Variants in PWP1 observed in about 807,000 individuals in gnomAD.
PWP1 encodes the protein PWP1 homolog, endonuclein, also known as periodic tryptophan protein 1 homolog.
In PWP1, 47 loss-of-function variants were observed where a neutral mutation model predicts 69.9. The ratio of observed to expected loss-of-function variants is 0.67; its 90% CI spans 0.53 to 0.86. The LOEUF is 0.86. PWP1 is among the 40% of genes least tolerant of loss of function. PWP1 has a pLI of 0.00. For synonymous variants in PWP1, 222 were observed against 208.2 expected, an observed-to-expected ratio of 1.07 and a Z score of -0.57; for missense variants, 551 against 608.8, an observed-to-expected ratio of 0.91 and a Z score of 1.00.
chr12:107,689,876 C>T (rs10861764), intron 3 of PWP1, among the ~76,000 whole-genome samples: 27,982 of 152,020 alleles, frequency 0.18, 3,574 homozygotes, highest in East Asian at 0.52. Flanking sequence ...TATTGCTCTT[C>T]TGGGGAAAGT....
intron 5 of PWP1, among the ~76,000 whole-genome samples, chr12:107,694,949 T>C (rs1443294459): frequency 6.6e-6 from 1 of 151,990 alleles, no homozygotes; most frequent in Non-Finnish European, 1.5e-5. Context: ...TGGTTAAGAG[T>C]ATATTTTAAA....
In PWP1 at chr12:107,685,842, C is replaced by A; in HGVS notation, c.-58C>A. On this transcript the variant is annotated 5_prime_UTR_variant, in exon 1 of 15. Coordinates refer to ENST00000412830, the MANE Select transcript of PWP1 (RefSeq NM_007062.3). ...CCTGAGCGTGTGGCAGCAGTGCGGT[C>A]GTGGTCCCTCCCTATGCAGCCTGGT... 2 of 1,580,024 alleles carry A rather than the reference C, an allele frequency of 1.3e-6. No individual in the cohort carries two copies. The highest frequency in any genetic ancestry group is 1.1e-5 in the South Asian group (1 of 90,376).
intron 3 of PWP1, among the ~76,000 whole-genome samples, chr12:107,690,096 A>G (rs926630649): frequency 1.3e-5 from 2 of 152,372 alleles, no homozygotes; most frequent in South Asian, 4.1e-4. Context: ...AGCTAGAATC[A>G]GCTACTCCCA....
chr12:107,697,865 T>C (rs958304195), intron 7 of PWP1: 5 of 495,372 alleles, frequency 1.0e-5, no homozygotes, highest in Non-Finnish European at 3.9e-6. Context: ...CTACTATAGA[T>C]GAAGGACTTT....
chr12:107,688,029 T>TAAA (rs1889403425), intron 1 of PWP1, among the ~76,000 whole-genome samples: 1 of 34,664 alleles, frequency 2.9e-5, no homozygotes, highest in South Asian at 1.2e-3. Context: ...AGACTCCGTC[T>TAAA]CAAAAAAAAA....
chr12:107,707,332 T>C (rs1487276651), intron 11 of PWP1, among the ~76,000 whole-genome samples: 1 of 152,182 alleles, frequency 6.6e-6, no homozygotes, highest in Non-Finnish European at 1.5e-5. Context: ...TACAATCATG[T>C]CATCTGCAAA....
At chr12:107,688,532 A>G (rs372572732) in intron 2 of PWP1, 26 bp downstream of exon 2, 18 of 1,612,232 alleles carry the variant, frequency 1.1e-5, no homozygotes, top group Middle Eastern at 1.6e-4. Flanking sequence ...GATGAAATCT[A>G]TATCTTAAAT....
chr12:107,698,592 C>T (rs547686199), intron 7 of PWP1, among the ~76,000 whole-genome samples: 12 of 151,916 alleles, frequency 7.9e-5, no homozygotes, highest in African/African-American at 2.9e-4. Context: ...CTTTATTTTT[C>T]TTTTTTAAAG....
At chr12:107,686,023 G>A (rs1256022097) in intron 1 of PWP1, 52 bp downstream of exon 1, 1 of 1,590,276 alleles carries the variant, frequency 6.3e-7, no homozygotes, top group Non-Finnish European at 8.6e-7. Context: ...ACGGCACTGG[G>A]GGTCCGCCCA....
chr12:107,702,702 C>T (rs1471269364), intron 8 of PWP1, among the ~76,000 whole-genome samples: 1 of 152,218 alleles, frequency 6.6e-6, no homozygotes, highest in East Asian at 1.9e-4. Context: ...TCCATATTAA[C>T]ACTATTAAGT....
chr12:107,689,855 A>T (rs1256587224), intron 3 of PWP1, among the ~76,000 whole-genome samples: 7 of 152,220 alleles, frequency 4.6e-5, no homozygotes, highest in Admixed American at 4.6e-4. Flanking sequence ...AGCTGAGATG[A>T]CAACTACCTA....
At chr12:107,693,672 A>G (rs985939522) in intron 5 of PWP1, among the ~76,000 whole-genome samples, 2 of 152,172 alleles carry the variant, frequency 1.3e-5, no homozygotes, top group East Asian at 3.8e-4. Context: ...TCTAGGCTAC[A>G]GTGAGCTGTG....
chr12:107,689,834 G>A (rs1193909297), intron 3 of PWP1, among the ~76,000 whole-genome samples: 1 of 152,146 alleles, frequency 6.6e-6, no homozygotes, highest in African/African-American at 2.4e-5. Context: ...AGCCTCGTGG[G>A]GAATAAAGTG....
intron 5 of PWP1, among the ~76,000 whole-genome samples, chr12:107,694,588 C>T (rs1356890967): frequency 1.3e-5 from 2 of 152,158 alleles, no homozygotes; most frequent in Admixed American, 1.3e-4. Context: ...CTTTCTAACT[C>T]TTGATATCTT....
chr12:107,697,391 A>G (rs868126710), intron 6 of PWP1, 76 bp from the exon 7 acceptor site: 1 of 1,409,590 alleles, frequency 7.1e-7, no homozygotes, highest in African/African-American at 1.4e-5. Flanking sequence ...CAGTTAATCT[A>G]CAGTATAATG....
intron 5 of PWP1, 25 bp from the exon 6 acceptor site, chr12:107,696,449 A>C: frequency 6.2e-7 from 1 of 1,607,324 alleles, no homozygotes; most frequent in African/African-American, 1.3e-5. Context: ...TGATACATTA[A>C]AGTCTCTTTT....
At chr12:107,709,275 C>T in intron 13 of PWP1, 43 bp downstream of exon 13, 1 of 1,584,718 alleles carries the variant, frequency 6.3e-7, no homozygotes, top group Non-Finnish European at 8.6e-7. Flanking sequence ...TATTCTGTTT[C>T]TGACCTTGTC....
Position 107,697,476 on chromosome 12 carries a change from T to C in PWP1, c.623T>C (p.Ile208Thr). Residue 208 changes from isoleucine (I) to threonine (T), a missense_variant, in exon 7 of 15, where the codon ATT becomes ACT. Physicochemically the swap from Ile to Thr is moderately conservative, Grantham distance 89 (BLOSUM62 -1). Coordinates refer to ENST00000412830, the MANE Select transcript of PWP1 (RefSeq NM_007062.3). ...PSPDDSTGNY[I>T]AVGNMTPVIE... ...TTGTTTCCTCCCATAGGAAATTACA[T>C]TGCTGTAGGAAACATGACCCCTGTT... 1 of 1,584,528 alleles carries C rather than the reference T, an allele frequency of 6.3e-7. No individual in the cohort carries two copies. The highest frequency in any genetic ancestry group is 2.2e-5 in the East Asian group (1 of 44,622).
intron 8 of PWP1, among the ~76,000 whole-genome samples, chr12:107,701,904 C>T (rs933968804): frequency 6.6e-5 from 10 of 152,094 alleles, no homozygotes; most frequent in East Asian, 5.8e-4. Flanking sequence ...TCTCAAACTC[C>T]GGACCTCAAG....
Sources: allele counts gnomAD v4.1 joint callset (sites outside exome capture counted in the v4.1 genomes callset), GRCh38; gene constraint gnomAD v4.1.1; transcripts MANE v1.5; gene names NCBI Gene and HGNC (gene_info 2026-07-23, HGNC 2026-07-21).